The following NDUFAF2 variants were observed in gnomAD, a reference collection of about 807,000 sequenced individuals.
NDUFAF2 encodes the protein NADH:ubiquinone oxidoreductase complex assembly factor 2.
A neutral mutation model predicts 22.8 loss-of-function variants in NDUFAF2; 13 were observed. That is an observed-to-expected ratio of 0.57 (90% CI 0.37 to 0.91). The LOEUF (loss-of-function observed/expected upper bound fraction) is 0.91. NDUFAF2 is among the 40% of genes least tolerant of loss of function. The probability of loss-of-function intolerance (pLI) is 0.01; values close to 1 mark genes in which losing one functional copy is unlikely to be tolerated. For missense variants in NDUFAF2, 162 were observed against 195.2 expected (o/e 0.83, Z 1.01); for synonymous variants, 53 against 64.2 (o/e 0.83, Z 0.84).
chr5:61,119,716 A>G (rs912796977), intron 3 of NDUFAF2, among the ~76,000 whole-genome samples: 1 of 152,132 alleles, frequency 6.6e-6, no homozygotes, highest in African/African-American at 2.4e-5. Context: ...CTCAGGCCTA[A>G]CCATTTGTTC....
At chr5:61,066,245 A>C (rs2111721750) in intron 1 of NDUFAF2, among the ~76,000 whole-genome samples, 1 of 152,200 alleles carries the variant, frequency 6.6e-6, no homozygotes, top group Non-Finnish European at 1.5e-5. Context: ...ATGCTCATGG[A>C]TCAGAAGAAT....
intron 1 of NDUFAF2, among the ~76,000 whole-genome samples, chr5:61,036,786 C>T (rs896527309): frequency 6.6e-6 from 1 of 152,140 alleles, no homozygotes. Context: ...CCCCATTTGA[C>T]CTTGCAAGAA....
chr5:60,984,853 C>A (rs928566430), intron 1 of NDUFAF2, among the ~76,000 whole-genome samples: 16 of 148,886 alleles, frequency 1.1e-4, no homozygotes, highest in Non-Finnish European at 2.3e-4. Flanking sequence ...GTGTAAAATT[C>A]TCTTTTTTTG....
At chr5:61,056,889 C>CAAAAAA (rs144850054) in intron 1 of NDUFAF2, among the ~76,000 whole-genome samples, 10 of 46,794 alleles carry the variant, frequency 2.1e-4, no homozygotes, top group African/African-American at 6.8e-4. Context: ...ACTCTGTCTC[C>CAAAAAA]AAAAAAAAAA....
intron 1 of NDUFAF2, among the ~76,000 whole-genome samples, chr5:60,956,121 A>G (rs1750611812): frequency 1.3e-5 from 2 of 151,886 alleles, no homozygotes; most frequent in Admixed American, 6.6e-5. Flanking sequence ...GGCTGGTTTT[A>G]AACTCCTGGG....
intron 1 of NDUFAF2, among the ~76,000 whole-genome samples, chr5:61,072,617 G>C (rs924622809): frequency 6.6e-6 from 1 of 151,900 alleles, no homozygotes; most frequent in African/African-American, 2.4e-5. Flanking sequence ...TATTTTTTGA[G>C]ATGGAGTCTC....
chr5:61,107,471 A>G (rs1363719676), intron 3 of NDUFAF2, among the ~76,000 whole-genome samples: 1 of 151,156 alleles, frequency 6.6e-6, no homozygotes, highest in Non-Finnish European at 1.5e-5. Flanking sequence ...AGTTCCTTAT[A>G]TATTCTGATT....
At chr5:61,040,274 ACACACACACACACG>A (rs1243056691) in intron 1 of NDUFAF2, among the ~76,000 whole-genome samples, 124 of 120,420 alleles carry the variant, frequency 1.0e-3, no homozygotes, top group African/African-American at 4.1e-3. Context: ...ACACACACAC[ACACACACACACACG>A]CGCGCGCGCG....
intron 1 of NDUFAF2, among the ~76,000 whole-genome samples, chr5:61,014,992 T>C (rs931072513): frequency 1.3e-5 from 2 of 152,216 alleles, no homozygotes; most frequent in African/African-American, 4.8e-5. Flanking sequence ...ACCCATGATA[T>C]AGGCATTAAA....
intron 1 of NDUFAF2, among the ~76,000 whole-genome samples, chr5:60,984,671 G>A (rs1420396566): frequency 6.6e-6 from 1 of 152,168 alleles, no homozygotes; most frequent in Admixed American, 6.5e-5. Context: ...TTTGTTGTTG[G>A]TTCTGTTTAT....
chr5:61,005,024 G>C (rs1215967233), intron 1 of NDUFAF2, among the ~76,000 whole-genome samples: 3 of 151,960 alleles, frequency 2.0e-5, no homozygotes, highest in Non-Finnish European at 4.4e-5. Context: ...TGCCATGTTG[G>C]TTTGCTGCAC....
chr5:60,985,175 T>A (rs1751054783), intron 1 of NDUFAF2, among the ~76,000 whole-genome samples: 1 of 152,232 alleles, frequency 6.6e-6, no homozygotes, highest in South Asian at 2.1e-4. Flanking sequence ...TTCTAGTTTA[T>A]TTTCGTAGAG....
At chr5:60,953,324 A>G (rs1163653482) in intron 1 of NDUFAF2, among the ~76,000 whole-genome samples, 2 of 152,200 alleles carry the variant, frequency 1.3e-5, no homozygotes, top group Non-Finnish European at 2.9e-5. Context: ...CAATATCTTT[A>G]AAGTACCAAA....
rs1256469985 is a variant in NDUFAF2, at chr5:61,073,111, CTT to C, written c.128-11_128-10del. On this transcript the variant is annotated splice_polypyrimidine_tract_variant and intron_variant, in intron 1 of 3. Coordinates refer to ENST00000296597, the MANE Select transcript of NDUFAF2 (RefSeq NM_174889.5). ...GGTTCATTTAAAAATGTATTAATGA[CTT>C]TTGTCTTATAGGACAAACTATTCGA... 12 of 1,550,894 alleles carry C rather than the reference CTT, an allele frequency of 7.7e-6. No homozygotes were observed. The highest frequency in any genetic ancestry group is 9.8e-6 in the Non-Finnish European group (11 of 1,123,716).
At position 61,080,280 on chromosome 5, in the gene NDUFAF2, A is replaced by C. The variant is rs1027374487; in HGVS notation, c.217+7066A>C. 3.9e-5 allele frequency among the ~76,000 whole-genome samples: 6 copies of C among 152,344 alleles called. No individual in the cohort carries two copies. The East Asian group carries it at 1.2e-3, about 29-fold the overall frequency. ...CATTCACGTACAAATCTGTGAACAG[A>C]AATTTTCTTTCAAATAAGTCCTTGG... On this transcript the variant is annotated intron_variant, in intron 2 of 3. Transcript: ENST00000296597.
intron 1 of NDUFAF2, among the ~76,000 whole-genome samples, chr5:61,034,750 A>G (rs930241853): frequency 1.3e-5 from 2 of 152,196 alleles, no homozygotes; most frequent in Non-Finnish European, 2.9e-5. Flanking sequence ...CACAAAGCCA[A>G]GGACAGTTGC....
intron 1 of NDUFAF2, among the ~76,000 whole-genome samples, chr5:61,040,699 T>C (rs1313568415): frequency 2.0e-5 from 3 of 152,162 alleles, no homozygotes; most frequent in African/African-American, 4.8e-5. Context: ...GATAGTCTTA[T>C]TTTTTAAGAT....
intron 1 of NDUFAF2, among the ~76,000 whole-genome samples, chr5:60,995,950 A>T (rs2650506): frequency 0.57 from 86,263 of 151,606 alleles, 25,792 homozygotes; most frequent in East Asian, 0.94. Context: ...GAAGTACTAC[A>T]AGACTACCCC....
At chr5:61,143,674 C>G (rs1741088894) in intron 3 of NDUFAF2, among the ~76,000 whole-genome samples, 1 of 151,832 alleles carries the variant, frequency 6.6e-6, no homozygotes, top group African/African-American at 2.4e-5. Flanking sequence ...TGGTTTTGTT[C>G]CCACAGAAGA....
Sources: allele counts gnomAD v4.1 joint callset (sites outside exome capture counted in the v4.1 genomes callset), GRCh38; gene constraint gnomAD v4.1.1; transcripts MANE v1.5; gene names NCBI Gene and HGNC (gene_info 2026-07-23, HGNC 2026-07-21).